The following NOL4L variants were observed in gnomAD, a reference collection of about 807,000 sequenced individuals.
The protein encoded by NOL4L is nucleolar protein 4 like, also known as nucleolar protein 4-like.
NOL4L carries 7 observed loss-of-function variants against 64.5 expected under a neutral mutation model. The ratio of observed to expected loss-of-function variants is 0.11; its 90% CI spans 0.06 to 0.20. The LOEUF (loss-of-function observed/expected upper bound fraction) is 0.20. Ranked by LOEUF, NOL4L falls within the 10% of genes least tolerant of loss-of-function variation. NOL4L has a pLI of 1.00. For missense variants in NOL4L, 680 were observed against 967.1 expected (o/e 0.70, Z 3.94); for synonymous variants, 413 against 401.0 (o/e 1.03, Z -0.36).
intron 4 of NOL4L, among the ~76,000 whole-genome samples, chr20:32,494,491 T>C (rs1026352837): frequency 3.3e-5 from 5 of 152,130 alleles, no homozygotes; most frequent in African/African-American, 1.2e-4. Context: ...TTTCCATTCT[T>C]TTTCTCTGCC....
At chr20:32,475,310 G>A (rs1477111567) in intron 4 of NOL4L, 4 of 985,360 alleles carry the variant, frequency 4.1e-6, no homozygotes, top group South Asian at 4.7e-5. Flanking sequence ...TCAAAGATAC[G>A]CTCTTGGGCA....
chr20:32,584,102 C>CA (rs896212623), intron 1 of NOL4L, among the ~76,000 whole-genome samples: 1 of 141,430 alleles, frequency 7.1e-6, no homozygotes, highest in East Asian at 2.3e-4. Flanking sequence ...CCCTCCCCCC[C>CA]CCCCACCCCG....
chr20:32,576,231 G>T (rs1202809024), intron 1 of NOL4L, among the ~76,000 whole-genome samples: 1 of 152,174 alleles, frequency 6.6e-6, no homozygotes, highest in African/African-American at 2.4e-5. Flanking sequence ...GGGGTTATGT[G>T]GGCAGGGAAC....
At chr20:32,516,469 T>G (rs966063094) in intron 3 of NOL4L, among the ~76,000 whole-genome samples, 3 of 152,048 alleles carry the variant, frequency 2.0e-5, no homozygotes, top group Admixed American at 2.0e-4. Context: ...TTAGGGTCAC[T>G]GGAGGAAGAG....
chr20:32,448,141 A>T (rs1352776570), intron 10 of NOL4L, among the ~76,000 whole-genome samples: 1 of 152,122 alleles, frequency 6.6e-6, no homozygotes, highest in East Asian at 1.9e-4. Context: ...GGGAAATACT[A>T]CTTCCATTGA....
intron 1 of NOL4L, among the ~76,000 whole-genome samples, chr20:32,579,909 C>T (rs1600894743): frequency 6.6e-6 from 1 of 152,186 alleles, no homozygotes; most frequent in East Asian, 1.9e-4. Context: ...CCCTCCTCCC[C>T]ACCCCACACC....
intron 4 of NOL4L, among the ~76,000 whole-genome samples, chr20:32,488,803 CTTTTTCTTTCTTTCTTTCTTTCTTTTTCT>C (rs1226361788): frequency 3.4e-5 from 2 of 58,172 alleles, no homozygotes; most frequent in South Asian, 6.1e-4. Context: ...TTCTTTCTTT[CTTTTTCTTTCTTTCTTTCTTTCTTTTTCT>C]TTCTTTCTTT....
chr20:32,459,970 G>C (rs1037927624), intron 5 of NOL4L, among the ~76,000 whole-genome samples: 1 of 152,242 alleles, frequency 6.6e-6, no homozygotes, highest in Non-Finnish European at 1.5e-5. Context: ...AAAAACACGA[G>C]GCTGTGGGAA....
At chr20:32,454,298 G>A (rs1318796413) in intron 6 of NOL4L, among the ~76,000 whole-genome samples, 2 of 152,230 alleles carry the variant, frequency 1.3e-5, no homozygotes, top group Non-Finnish European at 2.9e-5. Flanking sequence ...GCCAGCCAGG[G>A]CGACAGGTCC....
At chr20:32,447,949 G>A in intron 10 of NOL4L, 133 bp from the exon 11 acceptor site, 1 of 1,205,954 alleles carries the variant, frequency 8.3e-7, no homozygotes, top group Non-Finnish European at 1.1e-6. Context: ...CCGTGGCTCT[G>A]GTCCATCTCC....
intron 4 of NOL4L, among the ~76,000 whole-genome samples, chr20:32,488,837 TTC>T (rs1168025471): frequency 1.3e-5 from 1 of 75,396 alleles, no homozygotes; most frequent in Non-Finnish European, 2.3e-5. Context: ...TTTTCTTTCT[TTC>T]TTTCTTTCTT....
chr20:32,465,667 T>C (rs999690941), intron 5 of NOL4L, among the ~76,000 whole-genome samples: 3 of 152,168 alleles, frequency 2.0e-5, no homozygotes, highest in African/African-American at 7.2e-5. Context: ...TGTGAATGAT[T>C]CACGGGGCAG....
chr20:32,488,892 TTTCC>T lies in NOL4L; in HGVS notation c.700-14154_700-14151del, dbSNP rs1568649686. Among the ~76,000 whole-genome samples the T allele has an allele frequency of 1.7e-4, 23 of 138,518 alleles. No individual in the cohort carries two copies. In the East Asian group the frequency reaches 2.9e-3, roughly 18 times the overall value. 90.9% of individuals were successfully genotyped at this position (138,518 alleles called of 152,430 possible). A position where few individuals can be genotyped will look rare whatever the true frequency, so the allele number is the denominator to read the frequency against. On this transcript the variant is annotated intron_variant, in intron 4 of 10. Coordinates refer to ENST00000621426, the MANE Select transcript of NOL4L (RefSeq NM_001256798.2). ...CTTTCTTTCTTTCTTTCTTTCTTTC[TTTCC>T]TCTCTCTTTCTTTCTTTCTGACTAA...
At chr20:32,518,342 G>A (rs2017766388) in intron 3 of NOL4L, among the ~76,000 whole-genome samples, 1 of 152,220 alleles carries the variant, frequency 6.6e-6, no homozygotes. Context: ...TCGCTCCCTG[G>A]CCTCTTTCTC....
At chr20:32,455,129 A>G (rs2091880399) in intron 6 of NOL4L, among the ~76,000 whole-genome samples, 1 of 152,236 alleles carries the variant, frequency 6.6e-6, no homozygotes, top group African/African-American at 2.4e-5. Flanking sequence ...GGGCAGACAG[A>G]TGGAGAAAAA....
At chr20:32,571,796 C>T (rs1172437789) in intron 1 of NOL4L, among the ~76,000 whole-genome samples, 5 of 152,234 alleles carry the variant, frequency 3.3e-5, no homozygotes, top group Non-Finnish European at 7.3e-5. Context: ...CTGCACCTCC[C>T]CATTTAGGCC....
Position 32,565,259 on chromosome 20 carries a change from G to A in NOL4L, c.321+19311C>T, listed in dbSNP as rs145537250. 3.2e-3 allele frequency among the ~76,000 whole-genome samples: 468 copies of A among 144,692 alleles called. 3 individuals carry two copies. The highest frequency in any genetic ancestry group is 0.011 in the African/African-American group (439 of 40,332). The allele number at this position is 144,692 out of a possible 152,430, so 94.9% of individuals were successfully genotyped here. ...ACACACAGGCCGAGTGGACGGTCAC[G>A]TGAGGTACCTCTTCCTCTTCTCGCC... On this transcript the variant is annotated intron_variant, in intron 1 of 10. Transcript: ENST00000621426.
At chr20:32,477,999 A>G (rs1178993912) in intron 4 of NOL4L, among the ~76,000 whole-genome samples, 1 of 152,152 alleles carries the variant, frequency 6.6e-6, no homozygotes, top group African/African-American at 2.4e-5. Flanking sequence ...GCCTAGCTCC[A>G]GCTCTGATAA....
In NOL4L at chr20:32,447,611, G is replaced by A; in HGVS notation, c.2028C>T (p.Ile676=). ...LRSADELENL[I]LQQN is the part of the protein sequence containing the mutation. ...GCCGGTGGGGTCAGTTCTGCTGTAG[G>A]ATGAGGTTTTCCAGTTCATCTGCAG... is the stretch of plus-strand genomic sequence containing the variant. Residue 676 remains isoleucine (I), a synonymous_variant, in exon 11 of 11, where the codon ATC becomes ATT. Transcript: ENST00000621426. 6.2e-7 allele frequency: 1 copy of A among 1,602,474 alleles called. No individual in the cohort carries two copies. The highest frequency in any genetic ancestry group is 8.5e-7 in the Non-Finnish European group (1 of 1,178,836).
Sources: allele counts gnomAD v4.1 joint callset (sites outside exome capture counted in the v4.1 genomes callset), GRCh38; gene constraint gnomAD v4.1.1; transcripts MANE v1.5; gene names NCBI Gene and HGNC (gene_info 2026-07-23, HGNC 2026-07-21).